The following CTNNAL1 variants were observed in gnomAD, a reference collection of about 807,000 sequenced individuals.
CTNNAL1 encodes the protein alpha-catulin.
A neutral mutation model predicts 93.6 loss-of-function variants in CTNNAL1; 69 were observed. The ratio of observed to expected loss-of-function variants is 0.74; its 90% CI spans 0.61 to 0.90. The LOEUF is 0.90. Among genes scored for constraint, CTNNAL1 ranks in the 40% least tolerant of loss-of-function variants. The probability of loss-of-function intolerance (pLI) is 0.00; values close to 1 mark genes in which losing one functional copy is unlikely to be tolerated. For synonymous variants in CTNNAL1, 286 were observed against 305.4 expected, an observed-to-expected ratio of 0.94 and a Z score of 0.66; for missense variants, 836 against 862.0, an observed-to-expected ratio of 0.97 and a Z score of 0.38.
At chr9:108,975,954 G>A (rs1831255743) in intron 8 of CTNNAL1, among the ~76,000 whole-genome samples, 1 of 152,096 alleles carries the variant, frequency 6.6e-6, no homozygotes, top group Non-Finnish European at 1.5e-5. Flanking sequence ...TTTTTATTCA[G>A]GGAACAGGGA....
rs370088522 is a variant in CTNNAL1 at position 108,971,027 on chromosome 9, A to AT, written c.1348-534dup. Reference sequence around the variant, plus strand: ...CGCTTAAAACAGAAAATCAGAGAACATTTTTTTTTTCAATGTTAAAAAGAT... The same window carrying AT: ...CGCTTAAAACAGAAAATCAGAGAACATTTTTTTTTTTCAATGTTAAAAAGAT... On this transcript the variant is annotated intron_variant, in intron 9 of 18. Transcript: ENST00000325551. 9.0e-4 allele frequency among the ~76,000 whole-genome samples: 135 copies of AT among 150,248 alleles called. 1 individual carries two copies. The highest frequency in any genetic ancestry group is 4.4e-3 in the South Asian group (21 of 4,724).
chr9:109,009,988 T>C (rs143481016), intron 1 of CTNNAL1, among the ~76,000 whole-genome samples: 74 of 152,274 alleles, frequency 4.9e-4, no homozygotes, highest in African/African-American at 1.7e-3. Context: ...CTGTTACTGT[T>C]AATATAACTG....
chr9:108,967,687 T>C (rs1359262425), intron 10 of CTNNAL1, among the ~76,000 whole-genome samples: 1 of 152,020 alleles, frequency 6.6e-6, no homozygotes, highest in Non-Finnish European at 1.5e-5. Context: ...TACAGGAAAA[T>C]CGAGGGGAAG....
At position 108,993,204 on chromosome 9, in the gene CTNNAL1, G is replaced by T. The variant is rs551611763; in HGVS notation, c.332-385C>A. Reference sequence around the variant, plus strand: ...GTAAGCAGGTGCCAAGGCTTGGGCTGGGGCGAGGCCGGGGAGAAGTCAGGG... The same window carrying T: ...GTAAGCAGGTGCCAAGGCTTGGGCTTGGGCGAGGCCGGGGAGAAGTCAGGG... On this transcript the variant is annotated intron_variant, in intron 2 of 18. Coordinates refer to ENST00000325551, the MANE Select transcript of CTNNAL1 (RefSeq NM_003798.4). Among the ~76,000 whole-genome samples, 6 of 152,310 alleles carry T rather than the reference G, an allele frequency of 3.9e-5. No individual in the cohort carries two copies. The South Asian group carries it at 1.2e-3, about 32-fold the overall frequency.
intron 1 of CTNNAL1, among the ~76,000 whole-genome samples, chr9:109,007,804 G>A (rs146809036): frequency 5.6e-4 from 86 of 152,244 alleles, no homozygotes; most frequent in Middle Eastern, 3.4e-3. Context: ...TGTACTATCT[G>A]GCTACTCCTT....
intron 6 of CTNNAL1, among the ~76,000 whole-genome samples, chr9:108,981,880 G>A (rs1831442854): frequency 2.0e-5 from 3 of 152,114 alleles, no homozygotes; most frequent in Non-Finnish European, 4.4e-5. Context: ...AGCCAAGATC[G>A]TGCCACCACA....
At position 108,943,656 on chromosome 9, in the gene CTNNAL1, A is replaced by C. The variant is rs763779451; in HGVS notation, c.2055+47T>G. 10 of 1,510,096 alleles carry C rather than the reference A, an allele frequency of 6.6e-6. No individual in the cohort carries two copies. The East Asian group carries it at 2.0e-4, about 31-fold the overall frequency. The allele number at this position is 1,510,096 out of a possible 1,614,324, so 93.5% of individuals were successfully genotyped here. A position where few individuals can be genotyped will look rare whatever the true frequency, so the allele number is the denominator to read the frequency against. ...TTTATTTGAAGAAAAAGGGGCTTTA[A>C]CCAGATAAAGATAGATGTGTGAAAG... On this transcript the variant is annotated intron_variant, in intron 17 of 18. Coordinates refer to ENST00000325551, the MANE Select transcript of CTNNAL1 (RefSeq NM_003798.4).
chr9:108,955,376 A>T (rs1830666398), intron 12 of CTNNAL1, among the ~76,000 whole-genome samples: 1 of 152,194 alleles, frequency 6.6e-6, no homozygotes, highest in African/African-American at 2.4e-5. Flanking sequence ...CATAAGTATG[A>T]CATGTGACAT....
rs191210736 is a variant in CTNNAL1, at chr9:108,990,332, C to T, written c.639+394G>A. Among the ~76,000 whole-genome samples the T allele has an allele frequency of 3.5e-3, 532 of 152,122 alleles. 6 individuals are homozygous for T. The highest frequency in any genetic ancestry group is 0.012 in the African/African-American group (489 of 41,492). On this transcript the variant is annotated intron_variant, in intron 4 of 18. Transcript: ENST00000325551. The stretch of plus-strand genomic sequence containing the variant: ...TTGGGTTATTACTATTAATCTAATA[C>T]GGTAAGAATAACAAATATCTAACAA...
chr9:108,970,126 C>T (rs1587960559), intron 10 of CTNNAL1, among the ~76,000 whole-genome samples: 1 of 152,208 alleles, frequency 6.6e-6, no homozygotes, highest in African/African-American at 2.4e-5. Context: ...AATCTCCAAA[C>T]ATGTTATAAC....
At chr9:108,951,086 C>T (rs1830550103) in intron 14 of CTNNAL1, among the ~76,000 whole-genome samples, 1 of 152,060 alleles carries the variant, frequency 6.6e-6, no homozygotes, top group African/African-American at 2.4e-5. Context: ...TCTCAGCTCA[C>T]TCCAAGCTCC....
At chr9:108,955,963 A>AT in intron 11 of CTNNAL1, 136 bp from the exon 12 acceptor site, 1 of 531,084 alleles carries the variant, frequency 1.9e-6, no homozygotes. Context: ...TATTCATTAC[A>AT]TAAAATTCAG....
intron 15 of CTNNAL1, among the ~76,000 whole-genome samples, chr9:108,945,640 T>TTG (rs1830380434): frequency 7.0e-6 from 1 of 143,142 alleles, no homozygotes; most frequent in African/African-American, 2.5e-5. Context: ...TTTTTTTTTT[T>TTG]TTGTTTTGTT....
Position 108,942,974 on chromosome 9 carries a change from T to C in CTNNAL1, c.2126A>G (p.Lys709Arg). ...LLVQLLSLCY[K>R]LLKKLQMENN... ...AAACTACCTCACCTTCTTCAGCAGT[T>C]TATAACAAAGTGAAAGAAGTTGGAC... The change falls in exon 18 of 19, where the codon AAA (lysine) becomes AGA (arginine). Residue 709 changes from lysine (K) to arginine (R), a missense_variant. Transcript: ENST00000325551. 1 of 1,612,976 alleles carries C rather than the reference T, an allele frequency of 6.2e-7. No homozygotes were observed. The highest frequency in any genetic ancestry group is 8.5e-7 in the Non-Finnish European group (1 of 1,179,734).
rs540239140 is a variant in CTNNAL1, at chr9:108,944,370, A to T, written c.1885-352T>A. On this transcript the variant is annotated intron_variant, in intron 15 of 18. Coordinates refer to ENST00000325551, the MANE Select transcript of CTNNAL1 (RefSeq NM_003798.4). ...CTCAAATATGCTCAATTATAAAAGG[A>T]TGATGAATTTTCAAGCATGAGGTCA... Among the ~76,000 whole-genome samples, 8 of 152,298 alleles carry T rather than the reference A, an allele frequency of 5.3e-5. No individual in the cohort carries two copies. In the East Asian group the frequency reaches 1.5e-3, roughly 29 times the overall value.
At chr9:108,984,999 A>T (rs2132158911) in intron 4 of CTNNAL1, among the ~76,000 whole-genome samples, 1 of 152,310 alleles carries the variant, frequency 6.6e-6, no homozygotes, top group Admixed American at 6.5e-5. Flanking sequence ...CCCCAACAAG[A>T]TTGAAAAGGA....
chr9:108,970,458 G>T lies in CTNNAL1; in HGVS notation c.1384C>A (p.Pro462Thr). The T allele has an allele frequency of 1.2e-6, 2 of 1,612,372 alleles. No homozygotes were observed. Among genetic ancestry groups the T allele is most frequent in the African/African-American group, 2.7e-5 (2 of 74,918 alleles). The change falls in exon 10 of 19, where the codon CCT (proline) becomes ACT (threonine). Residue 462 changes from proline to threonine, a missense_variant. Physicochemically the swap from Pro to Thr is conservative, Grantham distance 38 (BLOSUM62 -1). Transcript: ENST00000325551. The part of the protein sequence containing the change: ...RLLRHISGTE[P>T]LEITCIHAEE... ...GCATGTATACAGGTTATTTCCAGAG[G>T]TTCTGTCCCAGATATGTGTCGTAAC...
chr9:108,946,579 G>A (rs767860546), intron 15 of CTNNAL1, among the ~76,000 whole-genome samples: 6 of 152,052 alleles, frequency 3.9e-5, no homozygotes, highest in Non-Finnish European at 7.4e-5. Context: ...TATTCTAGTC[G>A]TACGTGATTT....
chr9:109,008,051 G>A (rs948877426), intron 1 of CTNNAL1, among the ~76,000 whole-genome samples: 2 of 151,274 alleles, frequency 1.3e-5, no homozygotes, highest in Admixed American at 6.6e-5. Context: ...TATGAACATA[G>A]CACAATTTAT....
Sources: allele counts gnomAD v4.1 joint callset (sites outside exome capture counted in the v4.1 genomes callset), GRCh38; gene constraint gnomAD v4.1.1; transcripts MANE v1.5; gene names NCBI Gene and HGNC (gene_info 2026-07-23, HGNC 2026-07-21).